The following ZNF385D variants were observed in gnomAD, a reference collection of about 807,000 sequenced individuals.
ZNF385D encodes zinc finger protein 659.
ZNF385D carries 15 observed loss-of-function variants against 35.8 expected under a neutral mutation model. That is an observed-to-expected ratio of 0.42 (90% CI 0.28 to 0.64). The LOEUF is 0.64. ZNF385D is among the 30% of genes least tolerant of loss of function. ZNF385D has a pLI of 0.23. For missense variants in ZNF385D, 474 were observed against 494.6 expected (o/e 0.96, Z 0.39); for synonymous variants, 212 against 186.8 (o/e 1.13, Z -1.10).
At chr3:21,821,531 A>C (rs1045192308) in intron 3 of ZNF385D, among the ~76,000 whole-genome samples, 1 of 152,240 alleles carries the variant, frequency 6.6e-6, no homozygotes, top group Non-Finnish European at 1.5e-5. Flanking sequence ...ATGATTAACT[A>C]AACAAAAAAT....
Position 22,224,256 on chromosome 3 carries a change from C to T in ZNF385D, c.107-55221G>A, listed in dbSNP as rs568011996. Among the ~76,000 whole-genome samples, 36 of 152,238 alleles carry T rather than the reference C, an allele frequency of 2.4e-4. No individual in the cohort carries two copies. In the South Asian group the frequency reaches 6.2e-3, roughly 26 times the overall value. On this transcript the variant is annotated intron_variant, in intron 2 of 5. Transcript: ENST00000494108. ...ATCCATGAAAAGAGATATAATTAAA[C>T]TGAAGTTGCTACTTATTTGTATTTT...
chr3:22,340,095 G>A (rs1164144455), intron 2 of ZNF385D, among the ~76,000 whole-genome samples: 1 of 152,064 alleles, frequency 6.6e-6, no homozygotes, highest in South Asian at 2.1e-4. Flanking sequence ...AATACATTAA[G>A]TATTATCCAT....
At chr3:21,836,941 C>G (rs568716156) in intron 3 of ZNF385D, among the ~76,000 whole-genome samples, 2 of 152,106 alleles carry the variant, frequency 1.3e-5, no homozygotes, top group Admixed American at 6.6e-5. Context: ...TGAGCTGATC[C>G]TGTCACCTCC....
chr3:21,807,290 C>T (rs1244240161), intron 3 of ZNF385D, among the ~76,000 whole-genome samples: 5 of 152,114 alleles, frequency 3.3e-5, no homozygotes, highest in Non-Finnish European at 5.9e-5. Flanking sequence ...TCTATTTCAA[C>T]TTGCTATTTT....
At position 21,608,023 on chromosome 3, in the gene ZNF385D, G is replaced by GTTTTTTTTTGGTTTTTTTTTTT. The variant is rs1553622610; in HGVS notation, c.166-43340_166-43339insAAAAAAAAAAACCAAAAAAAAA. ...TAATTCTTTTTCTTCTTTTTTTTTT[G>GTTTTTTTTTGGTTTTTTTTTTT]TTTTTTTTTTTTGAGTCTTGCTGTC... On this transcript the variant is annotated intron_variant, in intron 2 of 7. Coordinates refer to ENST00000281523, the MANE Select transcript of ZNF385D (RefSeq NM_024697.3). Among the ~76,000 whole-genome samples, 77 of 120,224 alleles carry GTTTTTTTTTGGTTTTTTTTTTT rather than the reference G, an allele frequency of 6.4e-4. 2 individuals carry two copies. The highest frequency in any genetic ancestry group is 1.9e-3 in the African/African-American group (59 of 31,188). The allele number at this position is 120,224 out of a possible 152,430, so 78.9% of individuals were successfully genotyped here.
chr3:21,588,582 C>T (rs9879610), intron 2 of ZNF385D, among the ~76,000 whole-genome samples: 78,184 of 151,800 alleles, frequency 0.52, 20,650 homozygotes, highest in East Asian at 0.6. Flanking sequence ...CTAAGACGTA[C>T]ATTTATGGAT....
intron 3 of ZNF385D, among the ~76,000 whole-genome samples, chr3:21,923,957 C>G (rs1440979643): frequency 1.3e-5 from 2 of 151,932 alleles, no homozygotes; most frequent in African/African-American, 4.8e-5. Flanking sequence ...AAAGTTGAAA[C>G]GAAAATCCTG....
intron 3 of ZNF385D, among the ~76,000 whole-genome samples, chr3:22,093,522 C>CA (rs1173750244): frequency 6.6e-6 from 1 of 151,668 alleles, no homozygotes; most frequent in Admixed American, 6.6e-5. Context: ...TATTTATAAG[C>CA]AAAAAACAGT....
intron 2 of ZNF385D, among the ~76,000 whole-genome samples, chr3:21,580,418 A>C (rs1437677479): frequency 6.6e-6 from 1 of 152,224 alleles, no homozygotes; most frequent in African/African-American, 2.4e-5. Flanking sequence ...AAAGTTACGA[A>C]GTCTATAGAA....
At chr3:21,887,917 G>T (rs1193151473) in intron 3 of ZNF385D, among the ~76,000 whole-genome samples, 1 of 152,004 alleles carries the variant, frequency 6.6e-6, no homozygotes, top group East Asian at 1.9e-4. Context: ...TTTTAAATGG[G>T]TTACACATGT....
intron 3 of ZNF385D, among the ~76,000 whole-genome samples, chr3:22,096,098 A>G (rs1701605842): frequency 6.6e-6 from 1 of 151,536 alleles, no homozygotes; most frequent in Non-Finnish European, 1.5e-5. Context: ...GACTAAATTG[A>G]GAACGGAATG....
intron 3 of ZNF385D, among the ~76,000 whole-genome samples, chr3:22,132,559 A>T (rs924936629): frequency 1.3e-5 from 2 of 152,048 alleles, no homozygotes; most frequent in African/African-American, 4.8e-5. Flanking sequence ...ATTAGCCCAA[A>T]TTTATTTCAA....
At chr3:21,478,194 G>T (rs986265087) in intron 4 of ZNF385D, among the ~76,000 whole-genome samples, 1 of 152,034 alleles carries the variant, frequency 6.6e-6, no homozygotes, top group Admixed American at 6.6e-5. Context: ...CACATAATAG[G>T]CATGCCAAAA....
chr3:21,647,150 T>G (rs991051141), intron 2 of ZNF385D, among the ~76,000 whole-genome samples: 1 of 152,204 alleles, frequency 6.6e-6, no homozygotes, highest in African/African-American at 2.4e-5. Context: ...AAGTAAAGTA[T>G]ATTTTCTAAG....
chr3:22,164,859 A>G (rs13077232), intron 3 of ZNF385D, among the ~76,000 whole-genome samples: 5,757 of 152,294 alleles, frequency 0.038, 137 homozygotes, highest in Middle Eastern at 0.068. Flanking sequence ...CTATCAAGCC[A>G]TAAAAAGACA....
rs781041747 is a variant in ZNF385D, at chr3:21,437,152, C to A, written c.491G>T (p.Arg164Leu). The A allele has an allele frequency of 3.1e-6, 5 of 1,613,802 alleles. No homozygotes were observed. In the Admixed American group the frequency reaches 8.3e-5, roughly 27 times the overall value. Residue 164 changes from arginine to leucine, a missense_variant, in exon 5 of 8, where the codon CGC becomes CTC. Arg to Leu is a moderately radical substitution (Grantham distance 102). Coordinates refer to ENST00000281523, the MANE Select transcript of ZNF385D (RefSeq NM_024697.3). ...CTCAGTTGTCATAACACTGCTTTTG[C>A]GGATTTCCACAGTTGTCGTCGTTGA... ...AISTTTTVEIRKSSVMTTEIT... is the reference protein window; with the variant it reads ...AISTTTTVEILKSSVMTTEIT...
At chr3:22,313,152 A>T (rs1250397306) in intron 2 of ZNF385D, among the ~76,000 whole-genome samples, 1 of 151,898 alleles carries the variant, frequency 6.6e-6, no homozygotes, top group South Asian at 2.1e-4. Flanking sequence ...CGCCAAGGAC[A>T]AAAACCAAAC....
At chr3:21,500,576 T>G (rs913500430) in intron 4 of ZNF385D, among the ~76,000 whole-genome samples, 1 of 152,174 alleles carries the variant, frequency 6.6e-6, no homozygotes, top group Non-Finnish European at 1.5e-5. Flanking sequence ...GTGCATTCTT[T>G]TGTGCGTTAG....
intron 3 of ZNF385D, among the ~76,000 whole-genome samples, chr3:22,161,819 T>G (rs1705973148): frequency 6.6e-6 from 1 of 152,156 alleles, no homozygotes; most frequent in African/African-American, 2.4e-5. Flanking sequence ...TGACATAAAC[T>G]CAATAACATA....
Sources: allele counts gnomAD v4.1 joint callset (sites outside exome capture counted in the v4.1 genomes callset), GRCh38; gene constraint gnomAD v4.1.1; transcripts MANE v1.5; gene names NCBI Gene and HGNC (gene_info 2026-07-23, HGNC 2026-07-21).